Variants in OSBPL3 observed in about 807,000 individuals in gnomAD.
OSBPL3 encodes the protein oxysterol binding protein like 3.
A neutral mutation model predicts 120.1 loss-of-function variants in OSBPL3; 65 were observed. The observed-to-expected ratio is 0.54, with a 90% confidence interval of 0.44 to 0.67. The LOEUF (loss-of-function observed/expected upper bound fraction) is 0.67. OSBPL3 is among the 30% of genes least tolerant of loss of function. OSBPL3 has a pLI of 0.00. For synonymous variants in OSBPL3, 416 were observed against 402.6 expected (o/e 1.03, Z -0.40); for missense variants, 1,004 against 1,082.1 (o/e 0.93, Z 1.01).
At chr7:24,944,351 G>A (rs537371828) in intron 1 of OSBPL3, among the ~76,000 whole-genome samples, 2 of 151,826 alleles carry the variant, frequency 1.3e-5, no homozygotes, top group East Asian at 2.0e-4. Context: ...CATGGTGGCC[G>A]GGCGCGGTGG....
At chr7:24,923,556 C>T (rs569641913) in intron 1 of OSBPL3, among the ~76,000 whole-genome samples, 7 of 152,056 alleles carry the variant, frequency 4.6e-5, no homozygotes, top group East Asian at 1.9e-4. Flanking sequence ...GAGTATGGGA[C>T]GGCAGGGCAG....
Position 24,849,728 on chromosome 7 carries a change from C to A in OSBPL3, c.1159-552G>T, listed in dbSNP as rs144248911. On this transcript the variant is annotated intron_variant, in intron 11 of 22. Coordinates refer to ENST00000313367, the MANE Select transcript of OSBPL3 (RefSeq NM_015550.4). The surrounding 1 kb of genome is among the most constrained non-coding windows in gnomAD (Gnocchi z 5.4). ...CAGCACTTTGGGAGGTGGAGGCGGG[C>A]AGATTACTTGAGGTCAGGAGTTTGA... Among the ~76,000 whole-genome samples, 157 of 152,078 alleles carry A rather than the reference C, an allele frequency of 1.0e-3. No individual in the cohort carries two copies. The highest frequency in any genetic ancestry group is 3.6e-3 in the African/African-American group (149 of 41,480).
intron 5 of OSBPL3, among the ~76,000 whole-genome samples, chr7:24,868,149 T>G (rs1168836127): frequency 1.3e-5 from 2 of 151,992 alleles, no homozygotes; most frequent in Admixed American, 1.3e-4. Flanking sequence ...AAACCCTGTC[T>G]CTACTAAAAA....
intron 16 of OSBPL3, among the ~76,000 whole-genome samples, chr7:24,829,978 C>T (rs1796173647): frequency 6.6e-6 from 1 of 152,170 alleles, no homozygotes; most frequent in South Asian, 2.1e-4. Context: ...TGAATCATCA[C>T]AAAACCACGT....
At position 24,863,488 on chromosome 7, in the gene OSBPL3, C is replaced by T. The variant is rs2285691; in HGVS notation, c.777+8G>A. The stretch of plus-strand genomic sequence containing the variant: ...CCAGAATGTCAACAGAAGAGGAGTC[C>T]GGCTCACCTGGATGGCGTTGATAGC... On this transcript the variant is annotated splice_region_variant and intron_variant, in intron 8 of 22. Coordinates refer to ENST00000313367, the MANE Select transcript of OSBPL3 (RefSeq NM_015550.4). This position sits in a 1 kb window ranked among gnomAD's most constrained non-coding sequence, Gnocchi z 5.8. The T allele has an allele frequency of 8.1e-6, 13 of 1,604,682 alleles. No individual in the cohort carries two copies. The highest frequency in any genetic ancestry group is 1.3e-5 in the African/African-American group (1 of 74,640).
chr7:24,810,339 C>A (rs1793632343), intron 19 of OSBPL3: 1 of 157,992 alleles, frequency 6.3e-6, no homozygotes, highest in East Asian at 1.8e-4. Context: ...GCCTGACCAA[C>A]ATGGAGAAAC....
At chr7:24,874,025 A>T (rs530770226) in intron 2 of OSBPL3, among the ~76,000 whole-genome samples, 1 of 152,306 alleles carries the variant, frequency 6.6e-6, no homozygotes, top group African/African-American at 2.4e-5. Context: ...AAGGGTCCGG[A>T]GTATTTCTGA....
At chr7:24,811,321 T>C (rs944951512) in intron 19 of OSBPL3, among the ~76,000 whole-genome samples, 1 of 152,240 alleles carries the variant, frequency 6.6e-6, no homozygotes, top group Non-Finnish European at 1.5e-5. Flanking sequence ...CTTGTATGTC[T>C]TCTTTTGAGA....
rs1359433715 is a variant in OSBPL3 at position 24,940,311 on chromosome 7, T to C, written c.-150+39575A>G. On this transcript the variant is annotated intron_variant, in intron 1 of 22. Transcript: ENST00000313367. The surrounding 1 kb of genome is among the most constrained non-coding windows in gnomAD (Gnocchi z 4.4). Reference sequence around the variant, plus strand: ...AGACAGAAGAAGTGGACTGTTGTGTTGAAACACAGTTGGAGAAAGAAATGA... The same window carrying C: ...AGACAGAAGAAGTGGACTGTTGTGTCGAAACACAGTTGGAGAAAGAAATGA... Among the ~76,000 whole-genome samples, 1 of 152,166 alleles carries C rather than the reference T, an allele frequency of 6.6e-6. No individual in the cohort carries two copies.
In OSBPL3 at chr7:24,834,148, C is replaced by A; in HGVS notation, c.1746+338G>T. On this transcript the variant is annotated intron_variant, in intron 15 of 22. Coordinates refer to ENST00000313367, the MANE Select transcript of OSBPL3 (RefSeq NM_015550.4). This position sits in a 1 kb window ranked among gnomAD's most constrained non-coding sequence, Gnocchi z 5.2. ...GTCCACCCAGGGAAGTAAAAATAAA[C>A]ATGCAGACAGCCCTAAAGACATGTT... 1 of 1,027,530 alleles carries A rather than the reference C, an allele frequency of 9.7e-7. No individual in the cohort carries two copies. The highest frequency in any genetic ancestry group is 1.2e-6 in the Non-Finnish European group (1 of 849,682). 63.7% of individuals were successfully genotyped at this position (1,027,530 alleles called of 1,614,324 possible). A position where few individuals can be genotyped will look rare whatever the true frequency, so the allele number is the denominator to read the frequency against.
intron 1 of OSBPL3, among the ~76,000 whole-genome samples, chr7:24,915,444 T>C (rs1248919564): frequency 1.3e-5 from 2 of 152,138 alleles, no homozygotes; most frequent in African/African-American, 4.8e-5. Context: ...AACAGAAAAG[T>C]TGTCTTTCAA....
rs1399902941 is a variant in OSBPL3, at chr7:24,831,867, T to C, written c.1747-962A>G. Among the ~76,000 whole-genome samples the C allele has an allele frequency of 6.6e-6, 1 of 152,180 alleles. No homozygotes were observed. The highest frequency in any genetic ancestry group is 1.9e-4 in the East Asian group (1 of 5,200). ...TAATAGGGACCACCTCACCACCTCA[T>C]GCTATAGAATTCTCTAGAGCAGCTG... On this transcript the variant is annotated intron_variant, in intron 15 of 22. Coordinates refer to ENST00000313367, the MANE Select transcript of OSBPL3 (RefSeq NM_015550.4). This position sits in a 1 kb window ranked among gnomAD's most constrained non-coding sequence, Gnocchi z 4.0.
rs1403671258 is a variant in OSBPL3, at chr7:24,894,769, G to T, written c.-149-2148C>A. ...AGGGAGAGAAACGTGGGCAATAAAT[G>T]AAAGTTACAGGAATTCTAAAACCAC... On this transcript the variant is annotated intron_variant, in intron 1 of 22. Transcript: ENST00000313367. The surrounding 1 kb of genome is among the most constrained non-coding windows in gnomAD (Gnocchi z 4.1). Among the ~76,000 whole-genome samples the T allele has an allele frequency of 6.6e-6, 1 of 152,198 alleles. No individual in the cohort carries two copies. Among genetic ancestry groups the T allele is most frequent in the African/African-American group, 2.4e-5 (1 of 41,448 alleles).
chr7:24,849,332 C>A lies in OSBPL3; in HGVS notation c.1159-156G>T, dbSNP rs1039201798. Reference sequence around the variant, plus strand: ...TCTGGACTTTTTCCTTGAATGCTCTCCAAGAGGATACTGGTTCTGAGATGC... The same window carrying A: ...TCTGGACTTTTTCCTTGAATGCTCTACAAGAGGATACTGGTTCTGAGATGC... On this transcript the variant is annotated intron_variant, in intron 11 of 22. Coordinates refer to ENST00000313367, the MANE Select transcript of OSBPL3 (RefSeq NM_015550.4). The surrounding 1 kb of genome is among the most constrained non-coding windows in gnomAD (Gnocchi z 5.4). 1.9e-5 allele frequency: 10 copies of A among 515,940 alleles called. No homozygotes were observed. The allele number at this position is 515,940 out of a possible 1,614,324, so 32.0% of individuals were successfully genotyped here. A position where few individuals can be genotyped will look rare whatever the true frequency, so the allele number is the denominator to read the frequency against.
Position 24,863,513 on chromosome 7 carries a change from C to T in OSBPL3, c.760G>A (p.Ala254Thr), listed in dbSNP as rs772118096. 43 of 1,613,686 alleles carry T rather than the reference C, an allele frequency of 2.7e-5. 1 individual carries two copies. Among genetic ancestry groups the T allele is most frequent in the Non-Finnish European group, 3.6e-5 (43 of 1,179,604 alleles). The part of the protein sequence containing the change: ...DVLHRTYSAP[A>T]INAIQGGSFE... ...CGGCTCACCTGGATGGCGTTGATAGCTGGTGCCGAGTATGTCCGATGCAGG... is the reference window on the plus strand; with the variant it reads ...CGGCTCACCTGGATGGCGTTGATAGTTGGTGCCGAGTATGTCCGATGCAGG... The change falls in exon 8 of 23, where the codon GCT becomes ACT. Residue 254 changes from alanine (A) to threonine (T), a missense_variant. This residue lies in a region of OSBPL3 where 272 missense variants were observed against 248.8 expected (regional missense o/e 1.09). Coordinates refer to ENST00000313367, the MANE Select transcript of OSBPL3 (RefSeq NM_015550.4). This position sits in a 1 kb window ranked among gnomAD's most constrained non-coding sequence, Gnocchi z 5.8.
At position 24,804,502 on chromosome 7, in the gene OSBPL3, C is replaced by T. The variant is rs1792789200; in HGVS notation, c.2445-65G>A. The stretch of plus-strand genomic sequence containing the variant: ...CAAGAAAACAAAACAATCATTACTA[C>T]TCAACTTGCATGTGTCCACGACTGG... On this transcript the variant is annotated intron_variant, in intron 21 of 22. Coordinates refer to ENST00000313367, the MANE Select transcript of OSBPL3 (RefSeq NM_015550.4). The surrounding 1 kb of genome is among the most constrained non-coding windows in gnomAD (Gnocchi z 5.4). 1 of 1,502,536 alleles carries T rather than the reference C, an allele frequency of 6.7e-7. No homozygotes were observed. Among genetic ancestry groups the T allele is most frequent in the South Asian group, 1.2e-5 (1 of 85,072 alleles). The allele number at this position is 1,502,536 out of a possible 1,614,324, so 93.1% of individuals were successfully genotyped here.
intron 1 of OSBPL3, among the ~76,000 whole-genome samples, chr7:24,926,047 C>A (rs1175514632): frequency 1.3e-5 from 2 of 152,218 alleles, no homozygotes; most frequent in Admixed American, 1.3e-4. Flanking sequence ...ACGCTACTAT[C>A]AGGCAGTTCC....
intron 10 of OSBPL3, 140 bp downstream of exon 10, chr7:24,861,472 TA>T: frequency 1.8e-6 from 1 of 544,728 alleles, no homozygotes; most frequent in Non-Finnish European, 3.1e-6. Flanking sequence ...ACTAGGGAAA[TA>T]AAATAAAGAT....
At chr7:24,853,938 G>A (rs1401760187) in intron 10 of OSBPL3, among the ~76,000 whole-genome samples, 1 of 152,162 alleles carries the variant, frequency 6.6e-6, no homozygotes, top group African/African-American at 2.4e-5. Context: ...GCAGGACCCA[G>A]AATCCCCCAG....
Sources: gnomAD v4.1 joint callset for allele counts (sites outside exome capture counted in the v4.1 genomes callset) on GRCh38, gnomAD v4.1.1 for gene constraint, gnomAD v4.1.1 regional missense constraint, Gnocchi (gnomAD v3.1) non-coding constraint, MANE v1.5 for transcripts, NCBI Gene and HGNC (gene_info 2026-07-23, HGNC 2026-07-21) for gene names.